ADGRE1: variants seen among roughly 807,000 people sequenced by gnomAD.
ADGRE1 encodes EGF-like module receptor 1.
ADGRE1 carries 82 observed loss-of-function variants against 102.7 expected under a neutral mutation model. That is an observed-to-expected ratio of 0.80 (90% CI 0.67 to 0.96). ADGRE1 has a LOEUF of 0.96. Among genes scored for constraint, ADGRE1 ranks in the 40% least tolerant of loss-of-function variants. The pLI, the probability that ADGRE1 is intolerant of heterozygous loss-of-function variation, is 0.00. For synonymous variants in ADGRE1, 398 were observed against 399.6 expected (o/e 1.00, Z 0.05); for missense variants, 1,032 against 1,085.3 (o/e 0.95, Z 0.69).
chr19:6,899,730 T>C (rs1336554993), intron 5 of ADGRE1, among the ~76,000 whole-genome samples: 1 of 151,660 alleles, frequency 6.6e-6, no homozygotes, highest in Non-Finnish European at 1.5e-5. Flanking sequence ...CAAAACCTAT[T>C]CTGGGGAGAT....
At chr19:6,918,760 T>G (rs1974502349) in intron 12 of ADGRE1, among the ~76,000 whole-genome samples, 1 of 152,226 alleles carries the variant, frequency 6.6e-6, no homozygotes, top group Non-Finnish European at 1.5e-5. Context: ...TTTCTTTTTT[T>G]GTCACCCAGG....
rs1021357015 is a variant in ADGRE1, at chr19:6,940,246, C to T, written c.*217C>T. 8.3e-6 allele frequency: 5 copies of T among 601,660 alleles called. No individual in the cohort carries two copies. The highest frequency in any genetic ancestry group is 3.0e-5 in the Admixed American group (1 of 33,688). The allele number at this position is 601,660 out of a possible 1,614,324, so 37.3% of individuals were successfully genotyped here. On this transcript the variant is annotated 3_prime_UTR_variant, in exon 21 of 21. Coordinates refer to ENST00000312053, the MANE Select transcript of ADGRE1 (RefSeq NM_001974.5). Reference sequence around the variant, plus strand: ...CTGCTCCAAACGACCATTTTATCTTCGTGCTCTGCAACTTCTTCAATTCCA... The same window carrying T: ...CTGCTCCAAACGACCATTTTATCTTTGTGCTCTGCAACTTCTTCAATTCCA...
rs781399828 is a variant in ADGRE1 at position 6,926,560 on chromosome 19, C to A, written c.2181C>A (p.Ile727=). 2 of 1,614,100 alleles carry A rather than the reference C, an allele frequency of 1.2e-6. No individual in the cohort carries two copies. The highest frequency in any genetic ancestry group is 4.5e-5 in the East Asian group (2 of 44,892). Residue 727 remains isoleucine, a synonymous_variant, in exon 16 of 21, where the codon ATC becomes ATA. Transcript: ENST00000312053. The part of the protein sequence containing the change: ...GYGLPMLVVV[I]SASVQPQGYG... The stretch of plus-strand genomic sequence containing the variant: ...GGCTGCCGATGCTGGTGGTGGTGAT[C>A]TCTGCCAGTGTGCAGCCACAGGGCT...
rs1973849447 is a variant in ADGRE1 at position 6,903,736 on chromosome 19, T to C, written c.662-74T>C. 9 of 1,584,008 alleles carry C rather than the reference T, an allele frequency of 5.7e-6. No individual in the cohort carries two copies. In the Admixed American group the frequency reaches 1.5e-4, roughly 27 times the overall value. ...CATTTTCTAGTGAAACATGACTCCA[T>C]ATTTTGCAAAGGGAAGCATGATTTT... is the stretch of plus-strand genomic sequence containing the variant. On this transcript the variant is annotated intron_variant, in intron 6 of 20. Transcript: ENST00000312053.
intron 15 of ADGRE1, among the ~76,000 whole-genome samples, chr19:6,925,472 C>T (rs978160873): frequency 6.6e-6 from 1 of 152,032 alleles, no homozygotes; most frequent in East Asian, 1.9e-4. Flanking sequence ...TGCTTTTTGT[C>T]CCCAGGGGAG....
intron 16 of ADGRE1, 81 bp downstream of exon 16, chr19:6,926,682 C>T: frequency 7.1e-7 from 1 of 1,403,222 alleles, no homozygotes; most frequent in Non-Finnish European, 1.0e-6. Flanking sequence ...AGAAGAGTAA[C>T]AACAGTAGCA....
intron 10 of ADGRE1, among the ~76,000 whole-genome samples, chr19:6,910,183 G>A (rs1974118626): frequency 6.6e-6 from 1 of 151,846 alleles, no homozygotes; most frequent in Admixed American, 6.6e-5. Flanking sequence ...TATTCATAAA[G>A]TATACATTCA....
chr19:6,908,784 G>A lies in ADGRE1; in HGVS notation c.1122+12G>A, dbSNP rs773952853. ...TAGTTTCTCTGAAGGTAACGATTGGGTCTTTTAAATTGTGTTTTGAGTTTC... is the reference window on the plus strand; with the variant it reads ...TAGTTTCTCTGAAGGTAACGATTGGATCTTTTAAATTGTGTTTTGAGTTTC... On this transcript the variant is annotated intron_variant, in intron 10 of 20. Transcript: ENST00000312053. 2.5e-6 allele frequency: 4 copies of A among 1,599,682 alleles called. No homozygotes were observed. In the Admixed American group the frequency reaches 7.2e-5, roughly 29 times the overall value.
intron 17 of ADGRE1, among the ~76,000 whole-genome samples, chr19:6,930,440 T>A (rs1208467227): frequency 2.6e-5 from 4 of 151,960 alleles, no homozygotes; most frequent in Non-Finnish European, 5.9e-5. Flanking sequence ...GATTAAATTT[T>A]TTTTTATTTT....
At chr19:6,921,140 G>A (rs978967146) in intron 13 of ADGRE1, among the ~76,000 whole-genome samples, 8 of 152,094 alleles carry the variant, frequency 5.3e-5, no homozygotes, top group African/African-American at 1.9e-4. Context: ...ACAAAAATTA[G>A]CTGGATATGG....
intron 3 of ADGRE1, 30 bp downstream of exon 3, chr19:6,896,571 C>T (rs1380487196): frequency 5.0e-6 from 8 of 1,603,562 alleles, no homozygotes; most frequent in Non-Finnish European, 6.8e-6. Context: ...AACCATCCAG[C>T]ATTTGGTAGG....
Position 6,931,121 on chromosome 19 carries a change from T to C in ADGRE1, c.2289+2910T>C, listed in dbSNP as rs1275365091. On this transcript the variant is annotated intron_variant, in intron 17 of 20. Coordinates refer to ENST00000312053, the MANE Select transcript of ADGRE1 (RefSeq NM_001974.5). The stretch of plus-strand genomic sequence containing the variant: ...CAGCTTCTGGTAACTGCTGTTCTAC[T>C]CTCTAGCTCCATGAGTTCACCTGTT... 6.9e-5 allele frequency among the ~76,000 whole-genome samples: 10 copies of C among 144,808 alleles called. No individual in the cohort carries two copies. In the South Asian group the frequency reaches 2.5e-3, roughly 36 times the overall value. The allele number at this position is 144,808 out of a possible 152,430, so 95.0% of individuals were successfully genotyped here.
In ADGRE1 at chr19:6,937,528, G is replaced by A. The variant is rs1172912933; in HGVS notation, c.2551-16G>A. The A allele has an allele frequency of 2.5e-6, 4 of 1,609,552 alleles. No individual in the cohort carries two copies. Among genetic ancestry groups the A allele is most frequent in the South Asian group, 2.2e-5 (2 of 90,946 alleles). ...GACCATTTCCCTGCATCTGGATGAT[G>A]TGTCTCCTTCTCCAGGTACGAGAAG... On this transcript the variant is annotated splice_polypyrimidine_tract_variant and intron_variant, in intron 19 of 20. Transcript: ENST00000312053.
intron 2 of ADGRE1, chr19:6,895,852 G>A (rs1973528095): frequency 6.6e-6 from 1 of 152,336 alleles, no homozygotes; most frequent in African/African-American, 2.4e-5. Context: ...TAGGATCTTT[G>A]AGGTACATGG....
At chr19:6,922,655 CACAA>C (rs1974722233) in intron 14 of ADGRE1, among the ~76,000 whole-genome samples, 2 of 147,064 alleles carry the variant, frequency 1.4e-5, no homozygotes, top group African/African-American at 2.6e-5. Context: ...CACACACACA[CACAA>C]ACAAAAAGAA....
At chr19:6,903,755 T>A in intron 6 of ADGRE1, 55 bp from the exon 7 acceptor site, 1 of 1,605,022 alleles carries the variant, frequency 6.2e-7, no homozygotes, top group Non-Finnish European at 8.5e-7. Flanking sequence ...AAGGGAAGCA[T>A]GATTTTGTTG....
At chr19:6,905,773 T>G (rs1973929372) in intron 8 of ADGRE1, among the ~76,000 whole-genome samples, 1 of 152,210 alleles carries the variant, frequency 6.6e-6, no homozygotes, top group Admixed American at 6.5e-5. Context: ...TATGTGTAAC[T>G]TATTGGAGGC....
At chr19:6,891,015 G>C (rs1255701882) in intron 2 of ADGRE1, 1 of 153,644 alleles carries the variant, frequency 6.5e-6, no homozygotes. Context: ...TTGTCAGTTC[G>C]TAGTTGTTGA....
At position 6,897,171 on chromosome 19, in the gene ADGRE1, C is replaced by T. The variant is rs1186097315; in HGVS notation, c.261C>T (p.Ser87=). ...TAGATATTGATGAATGTTCTCAAAG[C>T]CCCCAGCCCTGTGGTCCTAACTCAT... ...RCKDIDECSQ[S]PQPCGPNSSC... The change falls in exon 4 of 21, where the codon AGC becomes AGT. Residue 87 remains serine (S), a synonymous_variant. Coordinates refer to ENST00000312053, the MANE Select transcript of ADGRE1 (RefSeq NM_001974.5). 2 of 1,606,564 alleles carry T rather than the reference C, an allele frequency of 1.2e-6. No homozygotes were observed. The highest frequency in any genetic ancestry group is 1.7e-6 in the Non-Finnish European group (2 of 1,177,974).
Sources: allele counts gnomAD v4.1 joint callset (sites outside exome capture counted in the v4.1 genomes callset), GRCh38; gene constraint gnomAD v4.1.1; transcripts MANE v1.5; gene names NCBI Gene and HGNC (gene_info 2026-07-23, HGNC 2026-07-21).